REXO2: variants seen among roughly 807,000 people sequenced by gnomAD.
REXO2 encodes the protein RNA exonuclease 2, also known as oligoribonuclease, mitochondrial.
A neutral mutation model predicts 30.9 loss-of-function variants in REXO2; 17 were observed. The ratio of observed to expected loss-of-function variants is 0.55; its 90% CI spans 0.38 to 0.82. The LOEUF is 0.82. Ranked by LOEUF, REXO2 falls within the 40% of genes least tolerant of loss-of-function variation. REXO2 has a pLI of 0.00. For synonymous variants in REXO2, 105 were observed against 99.6 expected (o/e 1.05, Z -0.32); for missense variants, 253 against 293.2 (o/e 0.86, Z 1.00).
chr11:114,440,954 C>T (rs1946473201), intron 2 of REXO2: 3 of 421,176 alleles, frequency 7.1e-6, no homozygotes, highest in Non-Finnish European at 1.3e-5. Flanking sequence ...TTTAATTAAC[C>T]ATGCCAGAAA....
intron 3 of REXO2, chr11:114,444,255 G>C (rs1342287104): frequency 1.6e-6 from 1 of 611,426 alleles, no homozygotes; most frequent in African/African-American, 1.8e-5. Context: ...CTGCTCTCCT[G>C]TTAATAGTTG....
At chr11:114,439,980 T>C (rs1168191540) in intron 1 of REXO2, 2 of 505,420 alleles carry the variant, frequency 4.0e-6, no homozygotes, top group Non-Finnish European at 7.2e-6. Context: ...CTTGGGTCAC[T>C]GGAGTGGGGG....
At chr11:114,440,413 G>T (rs1178640535) in intron 1 of REXO2, among the ~76,000 whole-genome samples, 3 of 152,120 alleles carry the variant, frequency 2.0e-5, no homozygotes, top group Admixed American at 6.5e-5. Flanking sequence ...TACTTACTTT[G>T]CATCTGTCCC....
At chr11:114,445,190 C>T (rs1370533136) in intron 4 of REXO2, 3 of 152,136 alleles carry the variant, frequency 2.0e-5, no homozygotes, top group African/African-American at 2.4e-5. Context: ...AGTCAAGGCT[C>T]GTGCATTTCA....
Position 114,450,080 on chromosome 11 carries a change from C to T in REXO2, c.*105C>T, listed in dbSNP as rs533810340. 3.6e-4 allele frequency: 418 copies of T among 1,158,350 alleles called. 1 individual carries two copies. Among genetic ancestry groups the T allele is most frequent in the Non-Finnish European group, 4.2e-4 (345 of 821,808 alleles). The allele number at this position is 1,158,350 out of a possible 1,614,324, so 71.8% of individuals were successfully genotyped here. Reference sequence around the variant, plus strand: ...CAGAGCACCTTCGGTTAACTTGCATCTCCAGATTGATTACTCAAGCAGACA... The same window carrying T: ...CAGAGCACCTTCGGTTAACTTGCATTTCCAGATTGATTACTCAAGCAGACA... On this transcript the variant is annotated 3_prime_UTR_variant, in exon 7 of 7. Transcript: ENST00000265881.
chr11:114,440,844 A>G lies in REXO2; in HGVS notation c.231+105A>G, dbSNP rs751580957. On this transcript the variant is annotated intron_variant, in intron 2 of 6. Transcript: ENST00000265881. Reference sequence around the variant, plus strand: ...TTAAAAAATAAGAAAGTTGAGGTCTATATGGGTTAAGGTAATGTGCTAGGT... The same window carrying G: ...TTAAAAAATAAGAAAGTTGAGGTCTGTATGGGTTAAGGTAATGTGCTAGGT... The G allele has an allele frequency of 3.6e-4, 312 of 870,576 alleles. No individual in the cohort carries two copies. The highest frequency in any genetic ancestry group is 5.0e-4 in the Non-Finnish European group (273 of 544,662). 53.9% of individuals were successfully genotyped at this position (870,576 alleles called of 1,614,324 possible).
chr11:114,442,055 C>T (rs1946482198), intron 2 of REXO2, among the ~76,000 whole-genome samples: 1 of 151,588 alleles, frequency 6.6e-6, no homozygotes, highest in Non-Finnish European at 1.5e-5. Flanking sequence ...TTAATGGACC[C>T]GTAGGTTGAT....
chr11:114,446,932 G>GGTTT (rs1946512686), intron 5 of REXO2, among the ~76,000 whole-genome samples: 1 of 138,370 alleles, frequency 7.2e-6, no homozygotes, highest in African/African-American at 2.8e-5. Flanking sequence ...TAGAAAGGAG[G>GGTTT]CTTTTTTTTT....
chr11:114,445,191 G>A (rs1295426163), intron 4 of REXO2: 2 of 152,140 alleles, frequency 1.3e-5, no homozygotes, highest in African/African-American at 2.4e-5. Flanking sequence ...GTCAAGGCTC[G>A]TGCATTTCAT....
At chr11:114,444,357 G>T in intron 3 of REXO2, 184 bp from the exon 4 acceptor site, 2 of 639,046 alleles carry the variant, frequency 3.1e-6, no homozygotes, top group Non-Finnish European at 5.6e-6. Context: ...AACTAAGTTG[G>T]CTTGGATTCT....
intron 6 of REXO2, among the ~76,000 whole-genome samples, 188 bp downstream of exon 6, chr11:114,448,067 G>T (rs1397984201): frequency 6.6e-6 from 1 of 152,032 alleles, no homozygotes; most frequent in African/African-American, 2.4e-5. Context: ...TTCTGAGAGG[G>T]TTATATAGCC....
chr11:114,443,551 A>G (rs1217833505), intron 2 of REXO2, among the ~76,000 whole-genome samples: 3 of 152,098 alleles, frequency 2.0e-5, no homozygotes, highest in Non-Finnish European at 4.4e-5. Flanking sequence ...TACAAATGTA[A>G]AAATCATTCT....
intron 6 of REXO2, chr11:114,449,025 G>A (rs1017696925): frequency 2.0e-5 from 3 of 152,242 alleles, no homozygotes; most frequent in Non-Finnish European, 4.4e-5. Flanking sequence ...ATTTGTGCAG[G>A]GAATTCTCTA....
intron 1 of REXO2, chr11:114,440,134 C>T (rs1024159899): frequency 6.5e-6 from 3 of 464,100 alleles, no homozygotes; most frequent in Non-Finnish European, 1.3e-5. Flanking sequence ...AGAAAGGATT[C>T]AACTCATTCA....
chr11:114,444,676 C>T (rs1565271064), intron 4 of REXO2, 24 bp downstream of exon 4: 1 of 1,446,870 alleles, frequency 6.9e-7, no homozygotes, highest in Non-Finnish European at 9.4e-7. Flanking sequence ...CTGTGTATAT[C>T]TTATAGTCTT....
At position 114,449,846 on chromosome 11, in the gene REXO2, G is replaced by A. The variant is rs112210294; in HGVS notation, c.585G>A (p.Arg195=). The A allele has an allele frequency of 3.8e-5, 61 of 1,606,354 alleles. No homozygotes were observed. The highest frequency in any genetic ancestry group is 4.8e-5 in the Non-Finnish European group (56 of 1,176,718). ...TTCATTGTGGTATGTTTGCTTATAG[G>A]GCACTTGATGACATTAGTGAAAGCA... ...EFAPKKAASH[R]ALDDISESIK... The change falls in exon 7 of 7, where the codon AGG becomes AGA. Residue 195 remains arginine, a splice_region_variant and synonymous_variant. Transcript: ENST00000265881.
rs1946519143 is a variant in REXO2, at chr11:114,447,887, T to G, written c.584+8T>G. 7 of 1,612,282 alleles carry G rather than the reference T, an allele frequency of 4.3e-6. No homozygotes were observed. Among genetic ancestry groups the G allele is most frequent in the Non-Finnish European group, 5.9e-6 (7 of 1,179,124 alleles). On this transcript the variant is annotated splice_region_variant and intron_variant, in intron 6 of 6. Transcript: ENST00000265881. ...GAAGGCTGCTTCTCATAGGTAAGTT[T>G]GAGTTCTACCAAGCGTTTTCCAGTC...
intron 6 of REXO2, among the ~76,000 whole-genome samples, chr11:114,448,177 A>T (rs1946521301): frequency 6.6e-6 from 1 of 152,206 alleles, no homozygotes; most frequent in Admixed American, 6.5e-5. Context: ...TTCTTCCCAC[A>T]GAAGATATGG....
At chr11:114,444,439 G>T (rs574045060) in intron 3 of REXO2, 102 bp from the exon 4 acceptor site, 3 of 801,450 alleles carry the variant, frequency 3.7e-6, no homozygotes, top group Non-Finnish European at 6.4e-6. Context: ...TCTATTTGTG[G>T]TTATATTTGC....
Sources: allele counts gnomAD v4.1 joint callset (sites outside exome capture counted in the v4.1 genomes callset), GRCh38; gene constraint gnomAD v4.1.1; transcripts MANE v1.5; gene names NCBI Gene and HGNC (gene_info 2026-07-23, HGNC 2026-07-21).